Variants in CFAP44 observed in about 807,000 individuals in gnomAD.
The protein encoded by CFAP44 is cilia- and flagella-associated protein 44.
A neutral mutation model predicts 216.2 loss-of-function variants in CFAP44; 134 were observed. The observed-to-expected ratio is 0.62, with a 90% CI of 0.54 to 0.72. The LOEUF (loss-of-function observed/expected upper bound fraction) is 0.72, where lower values mean the gene tolerates loss of function less well. Ranked by LOEUF, CFAP44 falls within the 30% of genes least tolerant of loss-of-function variation. CFAP44 has a pLI of 0.00. For synonymous variants in CFAP44, 700 were observed against 727.6 expected (o/e 0.96, Z 0.61); for missense variants, 2,035 against 2,182.1 (o/e 0.93, Z 1.34).
chr3:113,416,790 T>C (rs142694868), intron 5 of CFAP44, among the ~76,000 whole-genome samples, 163 bp from the exon 6 acceptor site: 213 of 152,318 alleles, frequency 1.4e-3, no homozygotes, highest in African/African-American at 4.5e-3. Context: ...ATGGATACAA[T>C]TGAAACTGAA....
At chr3:113,337,623 A>T (rs1473234456) in intron 24 of CFAP44, among the ~76,000 whole-genome samples, 3 of 152,210 alleles carry the variant, frequency 2.0e-5, no homozygotes, top group Admixed American at 2.0e-4. Context: ...CAGACTTGAA[A>T]GTAAACCCAG....
chr3:113,378,282 T>C (rs1056237172), intron 17 of CFAP44, among the ~76,000 whole-genome samples: 2 of 152,200 alleles, frequency 1.3e-5, no homozygotes, highest in Non-Finnish European at 2.9e-5. Flanking sequence ...TTTATCCCTT[T>C]ATCCTTTGAA....
At chr3:113,333,115 A>G (rs181181451) in intron 25 of CFAP44, among the ~76,000 whole-genome samples, 1 of 152,312 alleles carries the variant, frequency 6.6e-6, no homozygotes, top group East Asian at 1.9e-4. Flanking sequence ...TGACCCTGCC[A>G]TACCTGTCAG....
intron 11 of CFAP44, 174 bp from the exon 12 acceptor site, chr3:113,400,818 T>C (rs550101302): frequency 3.2e-5 from 20 of 627,622 alleles, no homozygotes; most frequent in African/African-American, 2.0e-4. Flanking sequence ...GAGAACCAGA[T>C]AGAGTCCTGG....
rs1949962653 is a variant in CFAP44, at chr3:113,304,050, G to T, written c.4943C>A (p.Ala1648Asp). Residue 1648 changes from alanine to aspartate, a missense_variant, in exon 32 of 35, where the codon GCC becomes GAC. Ala to Asp is a moderately radical substitution (Grantham distance 126). Transcript: ENST00000393845. ...LSGTLVFSNH[A>D]LRRLQERIHE... Reference sequence around the variant, plus strand: ...GATTCGTTCTTGCAGCCGTCTCAAGGCATGGTTAGAGAAGACCAAAGTACC... The same window carrying T: ...GATTCGTTCTTGCAGCCGTCTCAAGTCATGGTTAGAGAAGACCAAAGTACC... The T allele has an allele frequency of 6.5e-7, 1 of 1,537,130 alleles. No individual in the cohort carries two copies. Among genetic ancestry groups the T allele is most frequent in the Non-Finnish European group, 8.7e-7 (1 of 1,146,926 alleles).
intron 28 of CFAP44, among the ~76,000 whole-genome samples, chr3:113,309,734 G>A (rs1405652822): frequency 6.6e-6 from 1 of 152,094 alleles, no homozygotes; most frequent in Non-Finnish European, 1.5e-5. Flanking sequence ...TGAAAAAATG[G>A]AGAGAAGAAA....
In CFAP44 at chr3:113,330,593, T is replaced by C; in HGVS notation, c.3691A>G (p.Ile1231Val). The change falls in exon 26 of 35, where the codon ATA becomes GTA. Residue 1231 changes from isoleucine to valine, a missense_variant. Coordinates refer to ENST00000393845, the MANE Select transcript of CFAP44 (RefSeq NM_001164496.2). ...TTCAGTTCTTGTACCAGGCACTGTA[T>C]TTCCTCAACAACAGCCACTTTAAGG... is the stretch of plus-strand genomic sequence containing the variant. ...RDLKVAVVEEIQCLVQELKNI... is the reference protein window; with the variant it reads ...RDLKVAVVEEVQCLVQELKNI... The C allele has an allele frequency of 6.5e-7, 1 of 1,537,244 alleles. No homozygotes were observed. Among genetic ancestry groups the C allele is most frequent in the South Asian group, 1.2e-5 (1 of 84,054 alleles).
At chr3:113,427,531 A>T (rs546290391) in intron 2 of CFAP44, 192 bp from the exon 3 acceptor site, 1 of 494,244 alleles carries the variant, frequency 2.0e-6, no homozygotes, top group Non-Finnish European at 3.5e-6. Flanking sequence ...TCTGTTTGTT[A>T]ATCTCCATTT....
chr3:113,334,280 C>T (rs1950264292), intron 24 of CFAP44, among the ~76,000 whole-genome samples: 2 of 152,214 alleles, frequency 1.3e-5, no homozygotes, highest in South Asian at 4.1e-4. Context: ...TAAGTGCTTG[C>T]TGTAAAATTT....
intron 2 of CFAP44, among the ~76,000 whole-genome samples, chr3:113,432,589 G>A (rs1935134119): frequency 6.6e-6 from 1 of 152,094 alleles, no homozygotes; most frequent in Admixed American, 6.5e-5. Context: ...TTTAGACAGT[G>A]TTTATTATGG....
chr3:113,409,006 C>CAAAAAA (rs56301009), intron 7 of CFAP44, 100 bp downstream of exon 7: 3 of 319,554 alleles, frequency 9.4e-6, no homozygotes, highest in Non-Finnish European at 1.6e-5. Context: ...ACCAAAACAG[C>CAAAAAA]AAAAAAAAAA....
chr3:113,411,899 A>T (rs1422636681), intron 6 of CFAP44, among the ~76,000 whole-genome samples: 2 of 150,518 alleles, frequency 1.3e-5, no homozygotes, highest in African/African-American at 2.4e-5. Flanking sequence ...ATTCTCTTTG[A>T]AGCAATTGTG....
At chr3:113,366,411 G>T in intron 18 of CFAP44, 102 bp from the exon 19 acceptor site, 1 of 1,369,774 alleles carries the variant, frequency 7.3e-7, no homozygotes, top group Non-Finnish European at 9.9e-7. Flanking sequence ...AAGTTGTTAT[G>T]GACTGAATTG....
rs150087045 is a variant in CFAP44 at position 113,347,664 on chromosome 3, C to T, written c.3066-2952G>A. Reference sequence around the variant, plus strand: ...CTTTTAGGATCCTTCCTCAGACAAGCGGGCCTAACAAAAGCTATTCCTGAA... The same window carrying T: ...CTTTTAGGATCCTTCCTCAGACAAGTGGGCCTAACAAAAGCTATTCCTGAA... On this transcript the variant is annotated intron_variant, in intron 22 of 34. Transcript: ENST00000393845. Among the ~76,000 whole-genome samples, 17 of 152,280 alleles carry T rather than the reference C, an allele frequency of 1.1e-4. No homozygotes were observed. In the East Asian group the frequency reaches 2.5e-3, roughly 22 times the overall value.
intron 3 of CFAP44, chr3:113,426,624 A>C: frequency 4.5e-6 from 1 of 221,722 alleles, no homozygotes; most frequent in East Asian, 1.1e-4. Flanking sequence ...TCTTTCCTTT[A>C]TAAATTACCC....
chr3:113,401,280 T>A lies in CFAP44; in HGVS notation c.1334A>T (p.Asn445Ile). The A allele has an allele frequency of 6.3e-7, 1 of 1,583,392 alleles. No individual in the cohort carries two copies. Among genetic ancestry groups the A allele is most frequent in the South Asian group, 1.2e-5 (1 of 83,324 alleles). The part of the protein sequence containing the change: ...GNNFWLAQDA[N>I]GAIWKLDLSF... ...AAGGTCAAGCTTCCATATGGCTCCA[T>A]TGGCATCCTAAAAAAATTAAATAGT... Residue 445 changes from asparagine (N) to isoleucine (I), a missense_variant, in exon 11 of 35, where the codon AAT (asparagine) becomes ATT (isoleucine). Coordinates refer to ENST00000393845, the MANE Select transcript of CFAP44 (RefSeq NM_001164496.2).
intron 17 of CFAP44, among the ~76,000 whole-genome samples, chr3:113,376,221 G>A (rs1166740922): frequency 1.3e-5 from 2 of 152,186 alleles, no homozygotes; most frequent in African/African-American, 4.8e-5. Context: ...CTAAGTGGAT[G>A]ATTGTCTCAT....
At position 113,298,993 on chromosome 3, in the gene CFAP44, A is replaced by G. The variant is rs551859481; in HGVS notation, c.5078-2108T>C. On this transcript the variant is annotated intron_variant, in intron 32 of 34. Transcript: ENST00000393845. ...TGGTTAAAATCATAAATGTTATGAT[A>G]TGTACATTTTACTGCAATTTAAAAA... Among the ~76,000 whole-genome samples the G allele has an allele frequency of 2.6e-5, 4 of 152,348 alleles. No individual in the cohort carries two copies. In the South Asian group the frequency reaches 8.3e-4, roughly 32 times the overall value.
chr3:113,397,016 A>C, intron 13 of CFAP44: 2 of 388,732 alleles, frequency 5.1e-6, no homozygotes, highest in Non-Finnish European at 4.7e-6. Flanking sequence ...ATATAAACCA[A>C]CTCAGTGCTT....
Sources: allele counts gnomAD v4.1 joint callset (sites outside exome capture counted in the v4.1 genomes callset), GRCh38; gene constraint gnomAD v4.1.1; transcripts MANE v1.5; gene names NCBI Gene and HGNC (gene_info 2026-07-23, HGNC 2026-07-21).